Variants in PLCB4 observed in about 807,000 individuals in gnomAD.
PLCB4 encodes phospholipase C beta 4, also known as 1-phosphatidylinositol 4,5-bisphosphate phosphodiesterase beta-4.
A neutral mutation model predicts 178.8 loss-of-function variants in PLCB4; 77 were observed. That is an observed-to-expected ratio of 0.43 (90% confidence interval 0.36 to 0.52). The LOEUF (loss-of-function observed/expected upper bound fraction) is 0.52. Ranked by LOEUF, PLCB4 falls within the 20% of genes least tolerant of loss-of-function variation. The pLI is 0.00. For missense variants in PLCB4, 1,024 were observed against 1,453.4 expected, an observed-to-expected ratio of 0.70 and a Z score of 4.80; for synonymous variants, 496 against 490.8, an observed-to-expected ratio of 1.01 and a Z score of -0.14.
At chr20:9,470,267 G>T (rs1158727612) in intron 36 of PLCB4, among the ~76,000 whole-genome samples, 2 of 151,848 alleles carry the variant, frequency 1.3e-5, no homozygotes, top group African/African-American at 4.8e-5. Flanking sequence ...AGGGGCGGAG[G>T]TTGCAGTGAG....
At chr20:9,316,692 C>G (rs1455899114) in intron 4 of PLCB4, among the ~76,000 whole-genome samples, 2 of 152,170 alleles carry the variant, frequency 1.3e-5, no homozygotes, top group Middle Eastern at 3.2e-3. Context: ...GTGACTTCTT[C>G]CTGATGTGAG....
chr20:9,230,454 A>C (rs1352279621), intron 3 of PLCB4, among the ~76,000 whole-genome samples: 4 of 152,084 alleles, frequency 2.6e-5, no homozygotes, highest in Non-Finnish European at 5.9e-5. Flanking sequence ...GTTAAGAAAA[A>C]GTTTTAGGAG....
chr20:9,437,322 G>A (rs986382715), intron 30 of PLCB4, among the ~76,000 whole-genome samples, 170 bp downstream of exon 30: 1 of 152,148 alleles, frequency 6.6e-6, no homozygotes, highest in African/African-American at 2.4e-5. Context: ...CCTCCCATAG[G>A]TAGTTACCTG....
chr20:9,159,557 A>G (rs922034129), intron 2 of PLCB4, among the ~76,000 whole-genome samples: 4 of 152,346 alleles, frequency 2.6e-5, no homozygotes, highest in Admixed American at 1.3e-4. Flanking sequence ...CAGTTGAACA[A>G]TAAGTTAATC....
At chr20:9,405,509 TGCAGTAAG>T (rs1048789516) in intron 21 of PLCB4, among the ~76,000 whole-genome samples, 161 bp downstream of exon 21, 5 of 152,224 alleles carry the variant, frequency 3.3e-5, no homozygotes, top group African/African-American at 9.6e-5. Context: ...AGGTATTTAA[TGCAGTAAG>T]GCATTTTCTT....
At chr20:9,119,581 G>A (rs1299705520) in intron 2 of PLCB4, among the ~76,000 whole-genome samples, 1 of 151,170 alleles carries the variant, frequency 6.6e-6, no homozygotes, top group Non-Finnish European at 1.5e-5. Context: ...TAGGAGAGAT[G>A]AAAAGGATCC....
chr20:9,149,997 A>G (rs2092664764), intron 2 of PLCB4, among the ~76,000 whole-genome samples: 1 of 152,208 alleles, frequency 6.6e-6, no homozygotes, highest in African/African-American at 2.4e-5. Context: ...GTTGACCGTG[A>G]ATGGAACAGC....
chr20:9,346,892 G>A (rs553106872), intron 7 of PLCB4, among the ~76,000 whole-genome samples: 2 of 152,270 alleles, frequency 1.3e-5, no homozygotes, highest in East Asian at 3.9e-4. Flanking sequence ...TGTGGAGCTG[G>A]TGAAATCAGT....
intron 2 of PLCB4, among the ~76,000 whole-genome samples, chr20:9,208,780 G>A (rs949913254): frequency 1.3e-5 from 2 of 152,106 alleles, no homozygotes; most frequent in East Asian, 3.9e-4. Context: ...GGCCTAAGCA[G>A]TCCTCCCATC....
intron 2 of PLCB4, among the ~76,000 whole-genome samples, chr20:9,158,156 A>G (rs1354527774): frequency 1.3e-5 from 2 of 152,254 alleles, no homozygotes; most frequent in South Asian, 2.1e-4. Flanking sequence ...GGCTATTATA[A>G]TCACTACACT....
intron 2 of PLCB4, among the ~76,000 whole-genome samples, chr20:9,189,775 A>C (rs1209812532): frequency 6.6e-6 from 1 of 152,144 alleles, no homozygotes; most frequent in East Asian, 1.9e-4. Flanking sequence ...CATATGGCAG[A>C]AGGTAGAAGG....
chr20:9,250,739 C>A (rs531298296), intron 3 of PLCB4, among the ~76,000 whole-genome samples: 1 of 152,192 alleles, frequency 6.6e-6, no homozygotes, highest in Non-Finnish European at 1.5e-5. Context: ...TAGATTACTT[C>A]ACCTCAAACT....
At chr20:9,272,560 A>T (rs1474956757) in intron 3 of PLCB4, among the ~76,000 whole-genome samples, 1 of 152,040 alleles carries the variant, frequency 6.6e-6, no homozygotes, top group Non-Finnish European at 1.5e-5. Flanking sequence ...ATTACATGCA[A>T]GCCTGGACAA....
chr20:9,282,831 A>G (rs1265095383), intron 3 of PLCB4, among the ~76,000 whole-genome samples: 1 of 151,936 alleles, frequency 6.6e-6, no homozygotes, highest in Non-Finnish European at 1.5e-5. Flanking sequence ...AGCCAGGAGG[A>G]CTGGATTGAC....
intron 2 of PLCB4, among the ~76,000 whole-genome samples, chr20:9,139,632 C>T (rs1189110708): frequency 6.6e-6 from 1 of 152,074 alleles, no homozygotes; most frequent in Non-Finnish European, 1.5e-5. Flanking sequence ...TCTGTCAAAG[C>T]AGTCACAGGG....
chr20:9,159,762 A>T (rs1190119486), intron 2 of PLCB4, among the ~76,000 whole-genome samples: 1 of 152,206 alleles, frequency 6.6e-6, no homozygotes, highest in Non-Finnish European at 1.5e-5. Flanking sequence ...AAGATGGTGA[A>T]TGAAACTGGC....
intron 20 of PLCB4, among the ~76,000 whole-genome samples, chr20:9,404,930 A>C (rs1332894880): frequency 6.6e-6 from 1 of 152,164 alleles, no homozygotes; most frequent in Admixed American, 6.5e-5. Flanking sequence ...TCAGTATATG[A>C]ATTGGGGACA....
chr20:9,444,539 T>A (rs1261809171), intron 32 of PLCB4, among the ~76,000 whole-genome samples: 1 of 151,982 alleles, frequency 6.6e-6, no homozygotes, highest in Non-Finnish European at 1.5e-5. Context: ...CCAAGGTGGG[T>A]AGAATAGGAT....
At chr20:9,452,573 G>A (rs1364431761) in intron 32 of PLCB4, among the ~76,000 whole-genome samples, 1 of 152,144 alleles carries the variant, frequency 6.6e-6, no homozygotes, top group Non-Finnish European at 1.5e-5. Flanking sequence ...TTTCATATAA[G>A]TCATTGGCTG....
Sources: gnomAD v4.1 joint callset for allele counts (sites outside exome capture counted in the v4.1 genomes callset) on GRCh38, gnomAD v4.1.1 for gene constraint, MANE v1.5 for transcripts, NCBI Gene and HGNC (gene_info 2026-07-23, HGNC 2026-07-21) for gene names.